FAT3: variants seen among roughly 807,000 people sequenced by gnomAD.
FAT3 encodes FAT atypical cadherin 3.
FAT3 carries 95 observed loss-of-function variants against 310.2 expected under a neutral mutation model. The ratio of observed to expected loss-of-function variants is 0.31; its 90% CI spans 0.26 to 0.36. FAT3 has a LOEUF of 0.36. FAT3 is among the 10% of genes least tolerant of loss of function. FAT3 has a pLI of 1.00. For missense variants in FAT3, 5,408 were observed against 5,715.6 expected, an observed-to-expected ratio of 0.95 and a Z score of 1.74; for synonymous variants, 2,314 against 2,192.9, an observed-to-expected ratio of 1.06 and a Z score of -1.54.
Position 92,806,390 on chromosome 11 carries a change from A to T in FAT3, c.9122A>T (p.Asp3041Val). 2 of 1,599,752 alleles carry T rather than the reference A, an allele frequency of 1.3e-6. No individual in the cohort carries two copies. The highest frequency in any genetic ancestry group is 1.7e-6 in the Non-Finnish European group (2 of 1,172,274). Reference protein sequence around the residue: ...QVAYTALLPEDIPSNKIILKV... With the variant: ...QVAYTALLPEVIPSNKIILKV... Reference sequence around the variant, plus strand: ...GCATATACAGCATTACTTCCTGAAGACATTCCATCAAATAAAATCATCCTG... The same window carrying T: ...GCATATACAGCATTACTTCCTGAAGTCATTCCATCAAATAAAATCATCCTG... Residue 3041 changes from aspartate (D) to valine (V), a missense_variant, in exon 12 of 28, where the codon GAC becomes GTC. This residue lies in a region of FAT3 where 4,588 missense variants were observed against 4,809.8 expected (regional missense o/e 0.95). Transcript: ENST00000525166.
chr11:92,351,017 C>T (rs1388183406), intron 1 of FAT3, among the ~76,000 whole-genome samples: 2 of 152,058 alleles, frequency 1.3e-5, no homozygotes, highest in African/African-American at 4.8e-5. Context: ...ATTTTACTGG[C>T]TAAAATAGGA....
At chr11:92,789,775 C>T (rs535816773) in intron 7 of FAT3, among the ~76,000 whole-genome samples, 168 bp from the exon 8 acceptor site, 2 of 152,224 alleles carry the variant, frequency 1.3e-5, no homozygotes, top group African/African-American at 4.8e-5. Flanking sequence ...TTATTGTCAA[C>T]CTCTAATTAC....
chr11:92,226,792 G>T (rs1863926257), intron 1 of FAT3, among the ~76,000 whole-genome samples: 1 of 152,128 alleles, frequency 6.6e-6, no homozygotes, highest in South Asian at 2.1e-4. Flanking sequence ...GCCGCCGCGC[G>T]CCCAATGGGA....
chr11:92,781,074 TC>T (rs1271729735), intron 7 of FAT3, among the ~76,000 whole-genome samples: 3 of 118,368 alleles, frequency 2.5e-5, no homozygotes, highest in Non-Finnish European at 5.5e-5. Context: ...TTTTCTTTAT[TC>T]TTTTTTTTTT....
chr11:92,615,470 C>A (rs2135641987), intron 3 of FAT3, among the ~76,000 whole-genome samples: 1 of 152,276 alleles, frequency 6.6e-6, no homozygotes, highest in South Asian at 2.1e-4. Flanking sequence ...TGGTCTGGAA[C>A]ACCTGACCTC....
intron 1 of FAT3, among the ~76,000 whole-genome samples, chr11:92,309,503 G>T (rs1947238924): frequency 6.6e-6 from 1 of 152,070 alleles, no homozygotes; most frequent in Non-Finnish European, 1.5e-5. Context: ...TGGTTGCTGT[G>T]CATTTAGTTT....
intron 3 of FAT3, among the ~76,000 whole-genome samples, chr11:92,574,127 G>C (rs1054662193): frequency 2.6e-5 from 4 of 152,306 alleles, no homozygotes; most frequent in South Asian, 2.1e-4. Flanking sequence ...GTTGAAAATA[G>C]TGTAGCCATG....
chr11:92,535,994 A>C (rs1024707424), intron 3 of FAT3, among the ~76,000 whole-genome samples: 2 of 152,196 alleles, frequency 1.3e-5, no homozygotes, highest in African/African-American at 4.8e-5. Flanking sequence ...CTATCTGAAT[A>C]GTTTCTATAG....
chr11:92,437,738 T>C (rs1261039394), intron 2 of FAT3, among the ~76,000 whole-genome samples: 4 of 152,158 alleles, frequency 2.6e-5, no homozygotes, highest in Non-Finnish European at 4.4e-5. Context: ...GCTTGGCTTT[T>C]CCGTGTAGTG....
chr11:92,882,605 C>T (rs1270505825), intron 23 of FAT3, 133 bp from the exon 24 acceptor site: 13 of 468,768 alleles, frequency 2.8e-5, no homozygotes, highest in Non-Finnish European at 4.5e-5. Context: ...CACCAACCAT[C>T]TTTGTCCTGC....
At chr11:92,681,771 G>A (rs1209279881) in intron 3 of FAT3, among the ~76,000 whole-genome samples, 1 of 152,260 alleles carries the variant, frequency 6.6e-6, no homozygotes, top group East Asian at 1.9e-4. Context: ...TCCTATAAGA[G>A]CTCAACGGCT....
intron 3 of FAT3, among the ~76,000 whole-genome samples, chr11:92,589,702 A>C (rs537431916): frequency 6.6e-6 from 1 of 152,150 alleles, no homozygotes; most frequent in East Asian, 1.9e-4. Flanking sequence ...CCGCCACCAC[A>C]CACACAACAT....
chr11:92,434,055 A>G (rs746395691), intron 2 of FAT3, among the ~76,000 whole-genome samples: 18 of 151,206 alleles, frequency 1.2e-4, no homozygotes, highest in Non-Finnish European at 1.3e-4. Flanking sequence ...GTGGATTGAG[A>G]GGGTTGAACT....
chr11:92,349,729 C>T (rs1948513569), intron 1 of FAT3, among the ~76,000 whole-genome samples: 1 of 152,168 alleles, frequency 6.6e-6, no homozygotes, highest in Non-Finnish European at 1.5e-5. Context: ...TATGCAATGT[C>T]TCTAAAGAAC....
intron 25 of FAT3, 126 bp from the exon 26 acceptor site, chr11:92,889,063 G>A (rs1330571492): frequency 1.9e-6 from 1 of 537,004 alleles, no homozygotes; most frequent in Non-Finnish European, 3.3e-6. Context: ...GGGAGGCTTT[G>A]GGTGTTTGCA....
At chr11:92,671,903 C>T (rs1437028615) in intron 3 of FAT3, among the ~76,000 whole-genome samples, 3 of 151,984 alleles carry the variant, frequency 2.0e-5, no homozygotes, top group South Asian at 2.1e-4. Context: ...GTCAGGAGTT[C>T]GAGACCAGCC....
chr11:92,331,365 T>C (rs997680590), intron 1 of FAT3, among the ~76,000 whole-genome samples: 1 of 152,100 alleles, frequency 6.6e-6, no homozygotes, highest in African/African-American at 2.4e-5. Context: ...TGAATAAATA[T>C]TTTCTCTTCA....
intron 1 of FAT3, among the ~76,000 whole-genome samples, chr11:92,323,247 G>A (rs935642443): frequency 1.3e-5 from 2 of 151,678 alleles, no homozygotes; most frequent in Non-Finnish European, 2.9e-5. Flanking sequence ...GTGTGTGTAT[G>A]TGTGTGTATA....
chr11:92,368,831 T>TAC (rs1381044773), intron 2 of FAT3, among the ~76,000 whole-genome samples: 1 of 139,664 alleles, frequency 7.2e-6, no homozygotes, highest in African/African-American at 3.1e-5. Context: ...TTTGTGTGTA[T>TAC]ACATATATAT....
Sources: allele counts gnomAD v4.1 joint callset (sites outside exome capture counted in the v4.1 genomes callset), GRCh38; gene constraint gnomAD v4.1.1; regional missense constraint gnomAD v4.1.1; transcripts MANE v1.5; gene names NCBI Gene and HGNC (gene_info 2026-07-23, HGNC 2026-07-21).